The following LRP11 variants were observed in gnomAD, a reference collection of about 807,000 sequenced individuals.
LRP11 encodes low-density lipoprotein receptor-related protein 11.
A neutral mutation model predicts 43.1 loss-of-function variants in LRP11; 25 were observed. The ratio of observed to expected loss-of-function variants is 0.58; its 90% confidence interval spans 0.42 to 0.81. LRP11 has a LOEUF of 0.81. LRP11 is among the 30% of genes least tolerant of loss of function. LRP11 has a pLI of 0.00. For missense variants in LRP11, 623 were observed against 665.1 expected (o/e 0.94, Z 0.70); for synonymous variants, 316 against 299.4 (o/e 1.06, Z -0.57).
At chr6:149,841,640 C>T (rs1583084765) in intron 3 of LRP11, among the ~76,000 whole-genome samples, 2 of 152,084 alleles carry the variant, frequency 1.3e-5, no homozygotes, top group East Asian at 1.9e-4. Flanking sequence ...GGGCTGGGCG[C>T]GGTGGTTCAC....
intron 3 of LRP11, among the ~76,000 whole-genome samples, chr6:149,839,224 A>G (rs1041476056): frequency 2.0e-5 from 3 of 152,106 alleles, no homozygotes; most frequent in African/African-American, 7.2e-5. Flanking sequence ...AAACGTGGTT[A>G]AATCAAGAGG....
In LRP11 at chr6:149,853,040, C is replaced by T. The variant is rs377455851; in HGVS notation, c.734G>A (p.Trp245Ter). ...TGACGGGTCCCCCTGCAGCAGTGCC[C>T]ACTCATACTGGACGATGGCGTGGTC... Reference protein sequence around the residue: ...TDDHAIVQYEWALLQGDPSVD... With the variant: ...TDDHAIVQYE The change falls in exon 2 of 7, where the codon TGG (tryptophan) becomes TAG (stop). Residue 245 changes from tryptophan to a stop codon, truncating the protein, a stop_gained. Transcript: ENST00000239367. LOFTEE classifies it high-confidence loss of function. The T allele has an allele frequency of 1.2e-6, 2 of 1,611,388 alleles. No individual in the cohort carries two copies. The highest frequency in any genetic ancestry group is 1.7e-6 in the Non-Finnish European group (2 of 1,178,832).
Position 149,843,098 on chromosome 6 carries a change from C to G in LRP11, c.798G>C (p.Leu266=), listed in dbSNP as rs1397828313. 6.2e-7 allele frequency: 1 copy of G among 1,614,058 alleles called. No homozygotes were observed. Among genetic ancestry groups the G allele is most frequent in the South Asian group, 1.1e-5 (1 of 91,084 alleles). ...TGTAGGTTCCCTCCTGTAGGTGGGA[C>G]AGCTTCAGGGTTCCTGATTGAGGCA... is the stretch of plus-strand genomic sequence containing the variant. ...MKVPQSGTLK[L]SHLQEGTYTF... is the part of the protein sequence containing the mutation. Residue 266 remains leucine (L), a synonymous_variant, in exon 3 of 7, where the codon CTG becomes CTC. Transcript: ENST00000239367.
intron 1 of LRP11, 84 bp downstream of exon 1, chr6:149,863,324 G>C: frequency 7.8e-7 from 1 of 1,286,564 alleles, no homozygotes. Context: ...AACTTGGCAC[G>C]AGTGTGTTTC....
intron 2 of LRP11, among the ~76,000 whole-genome samples, chr6:149,848,468 T>C (rs1776672175): frequency 6.6e-6 from 1 of 152,156 alleles, no homozygotes; most frequent in Admixed American, 6.5e-5. Context: ...AGCAAAGATA[T>C]GGAATCAACC....
intron 6 of LRP11, among the ~76,000 whole-genome samples, chr6:149,821,546 G>T (rs577786074): frequency 6.6e-6 from 1 of 152,204 alleles, no homozygotes; most frequent in Non-Finnish European, 1.5e-5. Context: ...TGTGATTTTG[G>T]ACATTAAAGG....
At chr6:149,855,263 GACCCTA>G (rs1776781202) in intron 1 of LRP11, among the ~76,000 whole-genome samples, 1 of 152,182 alleles carries the variant, frequency 6.6e-6, no homozygotes, top group African/African-American at 2.4e-5. Flanking sequence ...GACTTTCTCA[GACCCTA>G]ACATCTGATC....
intron 2 of LRP11, among the ~76,000 whole-genome samples, chr6:149,845,073 G>A (rs191334118): frequency 9.7e-4 from 148 of 152,294 alleles, no homozygotes; most frequent in African/African-American, 3.4e-3. Flanking sequence ...ATAGACATGG[G>A]TTTGAATGCC....
intron 1 of LRP11, among the ~76,000 whole-genome samples, chr6:149,860,223 T>C (rs1776870565): frequency 6.6e-6 from 1 of 152,110 alleles, no homozygotes; most frequent in South Asian, 2.1e-4. Context: ...CTCTGCCTAA[T>C]AGCTTTGATT....
chr6:149,827,380 C>T lies in LRP11; in HGVS notation c.1253-1021G>A, dbSNP rs566187478. ...GGCATCAACATAAATGTTCCTAATTCCTGCAAATGAAATAAGACTATTTAA... is the reference window on the plus strand; with the variant it reads ...GGCATCAACATAAATGTTCCTAATTTCTGCAAATGAAATAAGACTATTTAA... On this transcript the variant is annotated intron_variant, in intron 5 of 6. Transcript: ENST00000239367. This position sits in a 1 kb window ranked among gnomAD's most constrained non-coding sequence, Gnocchi z 4.2. Among the ~76,000 whole-genome samples, 2 of 152,122 alleles carry T rather than the reference C, an allele frequency of 1.3e-5. No homozygotes were observed. The highest frequency in any genetic ancestry group is 2.4e-5 in the African/African-American group (1 of 41,416).
chr6:149,853,066 A>G lies in LRP11; in HGVS notation c.708T>C (p.Asp236=). The change falls in exon 2 of 7, where the codon GAT becomes GAC. Residue 236 remains aspartate (D), a synonymous_variant. Coordinates refer to ENST00000239367, the MANE Select transcript of LRP11 (RefSeq NM_032832.6). The part of the protein sequence containing the change: ...GVVLDGREST[D]DHAIVQYEWA... The stretch of plus-strand genomic sequence containing the variant: ...ACTCATACTGGACGATGGCGTGGTC[A>G]TCTGTGCTCTCGCGGCCGTCTAGAA... The G allele has an allele frequency of 2.5e-6, 4 of 1,612,660 alleles. No individual in the cohort carries two copies. The highest frequency in any genetic ancestry group is 1.7e-6 in the Non-Finnish European group (2 of 1,179,288).
In LRP11 at chr6:149,837,405, G is replaced by T. The variant is rs1057068099; in HGVS notation, c.972C>A (p.Asp324Glu). Residue 324 changes from aspartate to glutamate, a missense_variant, in exon 4 of 7, where the codon GAC becomes GAA. Transcript: ENST00000239367. The part of the protein sequence containing the change: ...HFFCDDGCCI[D>E]ITLACDGVQQ... Reference sequence around the variant, plus strand: ...GCACTCCATCGCAGGCGAGCGTGATGTCAATGCAGCAGCCATCGTCACAGA... The same window carrying T: ...GCACTCCATCGCAGGCGAGCGTGATTTCAATGCAGCAGCCATCGTCACAGA... The T allele has an allele frequency of 1.2e-6, 2 of 1,614,138 alleles. No homozygotes were observed. The highest frequency in any genetic ancestry group is 2.7e-5 in the African/African-American group (2 of 75,034).
rs549020891 is a variant in LRP11 at position 149,857,389 on chromosome 6, T to C, written c.614-4229A>G. On this transcript the variant is annotated intron_variant, in intron 1 of 6. Transcript: ENST00000239367. Reference sequence around the variant, plus strand: ...ACTAAAAATACAGAAAGTAGCCTGATGTGTGGCACATGCCTATAGTCCCAG... The same window carrying C: ...ACTAAAAATACAGAAAGTAGCCTGACGTGTGGCACATGCCTATAGTCCCAG... Among the ~76,000 whole-genome samples, 8 of 151,964 alleles carry C rather than the reference T, an allele frequency of 5.3e-5. No homozygotes were observed. The South Asian group carries it at 1.5e-3, about 28-fold the overall frequency.
At chr6:149,840,429 ACT>A (rs954355597) in intron 3 of LRP11, among the ~76,000 whole-genome samples, 1 of 151,912 alleles carries the variant, frequency 6.6e-6, no homozygotes, top group African/African-American at 2.4e-5. Flanking sequence ...TTCACACACC[ACT>A]CTCTGCTACT....
chr6:149,835,813 GGGTATT>G (rs1450609883), intron 5 of LRP11, among the ~76,000 whole-genome samples: 1 of 152,076 alleles, frequency 6.6e-6, no homozygotes, highest in African/African-American at 2.4e-5. Flanking sequence ...TTAACACTTT[GGGTATT>G]GGTTTACGTA....
At chr6:149,831,245 T>C (rs1776404619) in intron 5 of LRP11, among the ~76,000 whole-genome samples, 1 of 152,214 alleles carries the variant, frequency 6.6e-6, no homozygotes, top group African/African-American at 2.4e-5. Flanking sequence ...CCAGCTGCCA[T>C]AGAGCATGCA....
At chr6:149,844,693 G>A (rs926514469) in intron 2 of LRP11, among the ~76,000 whole-genome samples, 15 of 152,140 alleles carry the variant, frequency 9.9e-5, no homozygotes, top group Non-Finnish European at 1.6e-4. Flanking sequence ...ACATTGATGC[G>A]TTAATAATGG....
chr6:149,851,600 A>C (rs1286206649), intron 2 of LRP11, among the ~76,000 whole-genome samples: 1 of 152,248 alleles, frequency 6.6e-6, no homozygotes, highest in Non-Finnish European at 1.5e-5. Context: ...ACACCAATGC[A>C]CAGAAGTAAG....
Position 149,863,575 on chromosome 6 carries a change from CG to C in LRP11, c.445del (p.Arg149GlyfsTer81). ...RCSVAVVELPRRPAPPAAVLG... is the reference protein window; with the variant it reads ...RCSVAVVELPXRPAPPAAVLG... The stretch of plus-strand genomic sequence containing the variant: ...CACGGCTGCCGGGGGCGCGGGGCGC[CG>C]GGGCAGCTCCACCACGGCCACGGAG... On this transcript the variant is annotated frameshift_variant, in exon 1 of 7. Transcript: ENST00000239367. LOFTEE classifies it high-confidence loss of function. 2 of 1,395,682 alleles carry C rather than the reference CG, an allele frequency of 1.4e-6. No individual in the cohort carries two copies. Among genetic ancestry groups the C allele is most frequent in the Non-Finnish European group, 1.9e-6 (2 of 1,080,494 alleles). The allele number at this position is 1,395,682 out of a possible 1,614,324, so 86.5% of individuals were successfully genotyped here.
Sources: allele counts gnomAD v4.1 joint callset (sites outside exome capture counted in the v4.1 genomes callset), GRCh38; gene constraint gnomAD v4.1.1; non-coding constraint Gnocchi (gnomAD v3.1); transcripts MANE v1.5; gene names NCBI Gene and HGNC (gene_info 2026-07-23, HGNC 2026-07-21).